The following FKTN variants were observed in gnomAD, a reference collection of about 807,000 sequenced individuals.
The protein encoded by FKTN is fukutin, also known as ribitol-5-phosphate transferase FKTN.
A neutral mutation model predicts 58.6 loss-of-function variants in FKTN; 47 were observed. The observed-to-expected ratio is 0.80, with a 90% CI of 0.63 to 1.02. The LOEUF is 1.02. Among genes scored for constraint, FKTN ranks in the 50% least tolerant of loss-of-function variants. The pLI, the probability that FKTN is intolerant of heterozygous loss-of-function variation, is 0.00. For missense variants in FKTN, 516 were observed against 537.3 expected (o/e 0.96, Z 0.39); for synonymous variants, 178 against 191.9 (o/e 0.93, Z 0.60).
intron 9 of FKTN, 96 bp downstream of exon 9, chr9:105,618,188 A>T: frequency 9.9e-7 from 1 of 1,009,276 alleles, no homozygotes; most frequent in Non-Finnish European, 1.6e-6. Context: ...TGCTACATAC[A>T]TAATTTTATC....
intron 3 of FKTN, among the ~76,000 whole-genome samples, chr9:105,595,312 T>C (rs1000884160): frequency 4.8e-4 from 73 of 152,176 alleles, no homozygotes; most frequent in African/African-American, 1.7e-3. Context: ...TTTTATGGTA[T>C]GTGAATTATA....
intron 1 of FKTN, among the ~76,000 whole-genome samples, chr9:105,570,407 G>A (rs1038180450): frequency 6.6e-6 from 1 of 152,044 alleles, no homozygotes; most frequent in Non-Finnish European, 1.5e-5. Context: ...ATAGTAACCC[G>A]TGCTTATTCC....
chr9:105,560,085 A>T (rs966610647), intron 1 of FKTN, among the ~76,000 whole-genome samples: 1 of 152,232 alleles, frequency 6.6e-6, no homozygotes, highest in Non-Finnish European at 1.5e-5. Flanking sequence ...ATTCAAATAG[A>T]TATAATCTCC....
chr9:105,597,920 G>A (rs147179454), intron 4 of FKTN, among the ~76,000 whole-genome samples: 120 of 152,162 alleles, frequency 7.9e-4, no homozygotes, highest in African/African-American at 2.7e-3. Flanking sequence ...TCCTTTATCG[G>A]TATTAACCAA....
In FKTN at chr9:105,575,121, A is replaced by T; in HGVS notation, c.89A>T (p.His30Leu). ...FLLFQLYYYK[H>L]YLSTKNGAGL... ...CTGTTTCAGTTGTACTACTACAAGC[A>T]CTATTTATCAACAAAGGTAATTTTA... Residue 30 changes from histidine to leucine, a missense_variant, in exon 3 of 11, where the codon CAC becomes CTC. Physicochemically the swap from His to Leu is moderately conservative, Grantham distance 99. Transcript: ENST00000357998. The T allele has an allele frequency of 6.3e-7, 1 of 1,590,232 alleles. No homozygotes were observed. The highest frequency in any genetic ancestry group is 8.6e-7 in the Non-Finnish European group (1 of 1,158,398).
intron 1 of FKTN, among the ~76,000 whole-genome samples, chr9:105,573,203 C>T (rs1388000754): frequency 6.6e-6 from 1 of 151,410 alleles, no homozygotes; most frequent in Non-Finnish European, 1.5e-5. Flanking sequence ...CCACTGCACT[C>T]CATCCAGCCT....
intron 7 of FKTN, among the ~76,000 whole-genome samples, chr9:105,614,274 C>A (rs901001843): frequency 6.6e-6 from 1 of 152,112 alleles, no homozygotes; most frequent in Non-Finnish European, 1.5e-5. Context: ...TGACAATTTG[C>A]AAGACATTTT....
At chr9:105,577,694 A>G (rs1216847531) in intron 3 of FKTN, among the ~76,000 whole-genome samples, 1 of 151,418 alleles carries the variant, frequency 6.6e-6, no homozygotes, top group East Asian at 1.9e-4. Context: ...AGTTTTTTCG[A>G]ATTCTGTGAA....
intron 10 of FKTN, among the ~76,000 whole-genome samples, chr9:105,634,138 GT>G (rs981577391): frequency 2.0e-4 from 29 of 145,344 alleles, no homozygotes; most frequent in African/African-American, 2.8e-4. Flanking sequence ...TGTTTGTTTT[GT>G]TTTTTTTTTT....
At position 105,638,127 on chromosome 9, in the gene FKTN, G is replaced by T; in HGVS notation, c.*2863G>T. The T allele has an allele frequency of 1.0e-6, 1 of 980,730 alleles. No individual in the cohort carries two copies. Among genetic ancestry groups the T allele is most frequent in the African/African-American group, 1.7e-5 (1 of 57,232 alleles). The allele number at this position is 980,730 out of a possible 1,614,324, so 60.8% of individuals were successfully genotyped here. ...TAAATAAATAATCACAGAAAAGAATGATCTGAACAAGAACAGCTGAGGCTA... is the reference window on the plus strand; with the variant it reads ...TAAATAAATAATCACAGAAAAGAATTATCTGAACAAGAACAGCTGAGGCTA... On this transcript the variant is annotated 3_prime_UTR_variant, in exon 11 of 11. Transcript: ENST00000357998.
intron 1 of FKTN, among the ~76,000 whole-genome samples, chr9:105,558,384 C>T (rs987642301): frequency 1.3e-5 from 2 of 152,126 alleles, no homozygotes; most frequent in African/African-American, 4.8e-5. Flanking sequence ...TTGGCCAGTC[C>T]TTCCCGCACT....
In FKTN at chr9:105,620,218, T is replaced by C. The variant is rs1311340357; in HGVS notation, c.1172+157T>C. On this transcript the variant is annotated intron_variant, in intron 10 of 10. Coordinates refer to ENST00000357998, the MANE Select transcript of FKTN (RefSeq NM_001079802.2). ...CTTACCCATAGAGTCCAGTTATGCCTGTGAAGTAAGAATACCTGTAAGGAC... is the reference window on the plus strand; with the variant it reads ...CTTACCCATAGAGTCCAGTTATGCCCGTGAAGTAAGAATACCTGTAAGGAC... The C allele has an allele frequency of 4.9e-6, 3 of 612,350 alleles. No individual in the cohort carries two copies. The East Asian group carries it at 9.2e-5, about 19-fold the overall frequency. 37.9% of individuals were successfully genotyped at this position (612,350 alleles called of 1,614,324 possible).
chr9:105,581,068 C>T (rs1842786343), intron 3 of FKTN, among the ~76,000 whole-genome samples: 1 of 149,076 alleles, frequency 6.7e-6, no homozygotes, highest in Non-Finnish European at 1.5e-5. Context: ...ATACATTCTT[C>T]TCAATTTTTT....
intron 3 of FKTN, among the ~76,000 whole-genome samples, chr9:105,577,345 A>G (rs906112286): frequency 3.3e-5 from 4 of 120,740 alleles, no homozygotes; most frequent in Non-Finnish European, 6.7e-5. Flanking sequence ...TGATTTTTGT[A>G]TAAGGTGTAA....
intron 1 of FKTN, among the ~76,000 whole-genome samples, chr9:105,566,039 C>T (rs1175813600): frequency 2.6e-5 from 4 of 152,182 alleles, no homozygotes; most frequent in Non-Finnish European, 5.9e-5. Flanking sequence ...CAACCTGCTC[C>T]TGAATGACTA....
At position 105,636,626 on chromosome 9, in the gene FKTN, A is replaced by G; in HGVS notation, c.*1362A>G. On this transcript the variant is annotated 3_prime_UTR_variant, in exon 11 of 11. Coordinates refer to ENST00000357998, the MANE Select transcript of FKTN (RefSeq NM_001079802.2). ...ATGATATATTGTAAGTGAGAGGTAA[A>G]GGAAAATGTAGGCACAATAAGCACT... The G allele has an allele frequency of 8.3e-7, 1 of 1,211,632 alleles. No homozygotes were observed. The highest frequency in any genetic ancestry group is 1.5e-5 in the South Asian group (1 of 66,686). 75.1% of individuals were successfully genotyped at this position (1,211,632 alleles called of 1,614,324 possible).
At chr9:105,609,297 A>G (rs1829481652) in intron 7 of FKTN, among the ~76,000 whole-genome samples, 1 of 152,196 alleles carries the variant, frequency 6.6e-6, no homozygotes, top group Non-Finnish European at 1.5e-5. Context: ...ATAATTTTTA[A>G]AAAGCAATTT....
Position 105,638,451 on chromosome 9 carries a change from C to G in FKTN, c.*3187C>G. 1.0e-6 allele frequency: 1 copy of G among 985,394 alleles called. No individual in the cohort carries two copies. The highest frequency in any genetic ancestry group is 1.2e-6 in the Non-Finnish European group (1 of 829,928). The allele number at this position is 985,394 out of a possible 1,614,324, so 61.0% of individuals were successfully genotyped here. ...ACAGTTCACATCTGGAGACATCAGC[C>G]TTTGGTACCTAATTCTCTAAGCTCA... On this transcript the variant is annotated 3_prime_UTR_variant, in exon 11 of 11. Transcript: ENST00000357998.
At chr9:105,584,478 A>G (rs996607884) in intron 3 of FKTN, among the ~76,000 whole-genome samples, 9 of 152,118 alleles carry the variant, frequency 5.9e-5, no homozygotes, top group Non-Finnish European at 1.3e-4. Context: ...TAATAGGTAG[A>G]CATTATAACA....
Sources: allele counts gnomAD v4.1 joint callset (sites outside exome capture counted in the v4.1 genomes callset), GRCh38; gene constraint gnomAD v4.1.1; transcripts MANE v1.5; gene names NCBI Gene and HGNC (gene_info 2026-07-23, HGNC 2026-07-21).